The following HECW2 variants were observed in gnomAD, a reference collection of about 807,000 sequenced individuals.
The protein encoded by HECW2 is HECT, C2 and WW domain containing E3 ubiquitin protein ligase 2.
HECW2 carries 61 observed loss-of-function variants against 175.2 expected under a neutral mutation model. The ratio of observed to expected loss-of-function variants is 0.35; its 90% CI spans 0.28 to 0.43. The LOEUF (loss-of-function observed/expected upper bound fraction) is 0.43, where lower values mean the gene tolerates loss of function less well. Ranked by LOEUF, HECW2 falls within the 20% of genes least tolerant of loss-of-function variation. The probability of loss-of-function intolerance (pLI) is 1.00; values close to 1 mark genes in which losing one functional copy is unlikely to be tolerated. For synonymous variants in HECW2, 671 were observed against 731.0 expected, an observed-to-expected ratio of 0.92 and a Z score of 1.32; for missense variants, 1,524 against 2,000.5, an observed-to-expected ratio of 0.76 and a Z score of 4.54.
chr2:196,238,679 T>G (rs1254724734), intron 21 of HECW2: 1 of 152,164 alleles, frequency 6.6e-6, no homozygotes, highest in Non-Finnish European at 1.5e-5. Flanking sequence ...GCTCACAGCT[T>G]AGAACATCCT....
intron 14 of HECW2, 171 bp downstream of exon 14, chr2:196,292,394 T>C: frequency 1.7e-6 from 1 of 578,738 alleles, no homozygotes; most frequent in South Asian, 2.4e-5. Flanking sequence ...AATGGCACAG[T>C]CACTGTTTGT....
intron 10 of HECW2, among the ~76,000 whole-genome samples, chr2:196,309,142 G>A (rs151108948): frequency 2.8e-4 from 43 of 152,286 alleles, no homozygotes; most frequent in African/African-American, 1.0e-3. Context: ...TATGGCATTT[G>A]CTCTGTAAGG....
chr2:196,456,005 T>G (rs185800837), intron 1 of HECW2, among the ~76,000 whole-genome samples: 2 of 152,134 alleles, frequency 1.3e-5, no homozygotes, highest in African/African-American at 2.4e-5. Context: ...CATATACATT[T>G]GGAAAGGAGA....
intron 1 of HECW2, among the ~76,000 whole-genome samples, chr2:196,440,565 T>A (rs887441501): frequency 6.6e-6 from 1 of 152,170 alleles, no homozygotes; most frequent in African/African-American, 2.4e-5. Flanking sequence ...TATTCTCATA[T>A]GGGAAAACCA....
chr2:196,204,419 T>C (rs1040462447), intron 28 of HECW2, among the ~76,000 whole-genome samples: 1 of 152,218 alleles, frequency 6.6e-6, no homozygotes, highest in Non-Finnish European at 1.5e-5. Context: ...TAGGATTTCT[T>C]ATTAAAATCA....
intron 15 of HECW2, among the ~76,000 whole-genome samples, chr2:196,275,314 TATAA>T (rs369065822): frequency 1.3e-5 from 2 of 152,212 alleles, no homozygotes; most frequent in African/African-American, 4.8e-5. Context: ...GCTGGAAAGA[TATAA>T]ATAAAAAGAA....
chr2:196,511,653 G>A (rs978704631), intron 1 of HECW2, among the ~76,000 whole-genome samples: 1 of 152,202 alleles, frequency 6.6e-6, no homozygotes, highest in African/African-American at 2.4e-5. Flanking sequence ...AAAGTGCTAT[G>A]AGGAAATATT....
chr2:196,560,862 A>C (rs1689977280), intron 1 of HECW2, among the ~76,000 whole-genome samples: 1 of 152,204 alleles, frequency 6.6e-6, no homozygotes, highest in Non-Finnish European at 1.5e-5. Context: ...TCTTTACTTT[A>C]ATCTCTTAAT....
Position 196,274,113 on chromosome 2 carries a change from T to A in HECW2, c.3146A>T (p.Asp1049Val). Reference sequence around the variant, plus strand: ...AACTGGTGGTCCTGCATGTCGAGAATCTTCTCCTACCTGCAAACAGAAGCA... The same window carrying A: ...AACTGGTGGTCCTGCATGTCGAGAAACTTCTCCTACCTGCAAACAGAAGCA... ...RSHSAGEVGE[D>V]SRHAGPPVLP... The change falls in exon 16 of 29, where the codon GAT (aspartate) becomes GTT (valine). Residue 1049 changes from aspartate to valine, a missense_variant. Coordinates refer to ENST00000644978, the MANE Select transcript of HECW2 (RefSeq NM_001348768.2). The A allele has an allele frequency of 6.2e-7, 1 of 1,613,388 alleles. No homozygotes were observed. The highest frequency in any genetic ancestry group is 8.5e-7 in the Non-Finnish European group (1 of 1,179,350).
At chr2:196,245,460 TA>T (rs1385506010) in intron 19 of HECW2, among the ~76,000 whole-genome samples, 1 of 152,054 alleles carries the variant, frequency 6.6e-6, no homozygotes, top group African/African-American at 2.4e-5. Flanking sequence ...TGTGAAACTT[TA>T]TACATATTGA....
intron 1 of HECW2, among the ~76,000 whole-genome samples, chr2:196,551,291 C>G (rs1476330903): frequency 1.3e-5 from 2 of 152,136 alleles, no homozygotes; most frequent in East Asian, 3.8e-4. Flanking sequence ...GGAAGAAACA[C>G]AAACACACTT....
intron 2 of HECW2, among the ~76,000 whole-genome samples, chr2:196,372,523 G>T (rs747103895): frequency 1.3e-5 from 2 of 152,166 alleles, no homozygotes; most frequent in Non-Finnish European, 2.9e-5. Context: ...AAAAGGTGTA[G>T]GATGGAGAAC....
At chr2:196,521,019 T>C (rs1282832062) in intron 1 of HECW2, among the ~76,000 whole-genome samples, 1 of 152,164 alleles carries the variant, frequency 6.6e-6, no homozygotes, top group African/African-American at 2.4e-5. Flanking sequence ...CCTTGTGGCA[T>C]GCAACACTAG....
At chr2:196,513,457 C>A (rs2125419908) in intron 1 of HECW2, among the ~76,000 whole-genome samples, 1 of 152,264 alleles carries the variant, frequency 6.6e-6, no homozygotes, top group South Asian at 2.1e-4. Context: ...CTGCAGTGAG[C>A]CATGATCACA....
chr2:196,287,058 T>C (rs1046372987), intron 14 of HECW2, among the ~76,000 whole-genome samples: 1 of 152,210 alleles, frequency 6.6e-6, no homozygotes, highest in Non-Finnish European at 1.5e-5. Flanking sequence ...AATTCTCAAA[T>C]AGGCTCAGCC....
chr2:196,381,997 T>C (rs888564634), intron 2 of HECW2, among the ~76,000 whole-genome samples: 5 of 152,200 alleles, frequency 3.3e-5, no homozygotes, highest in Admixed American at 1.3e-4. Context: ...TAATAAATTA[T>C]GTTACATCTC....
intron 15 of HECW2, among the ~76,000 whole-genome samples, chr2:196,274,706 C>A (rs1194905006): frequency 6.6e-6 from 1 of 152,178 alleles, no homozygotes; most frequent in Non-Finnish European, 1.5e-5. Context: ...TTGAGCCTCC[C>A]ACACCAGGGT....
chr2:196,415,274 A>G (rs1184058356), intron 2 of HECW2, among the ~76,000 whole-genome samples: 1 of 152,232 alleles, frequency 6.6e-6, no homozygotes, highest in African/African-American at 2.4e-5. Flanking sequence ...TTAAAAGTGT[A>G]GTAGGAGTCA....
chr2:196,468,371 G>T (rs920843678), intron 1 of HECW2, among the ~76,000 whole-genome samples: 2 of 152,200 alleles, frequency 1.3e-5, no homozygotes, highest in African/African-American at 2.4e-5. Context: ...GCCTCAAATT[G>T]CATGGAGTAT....
Sources: allele counts gnomAD v4.1 joint callset (sites outside exome capture counted in the v4.1 genomes callset), GRCh38; gene constraint gnomAD v4.1.1; transcripts MANE v1.5; gene names NCBI Gene and HGNC (gene_info 2026-07-23, HGNC 2026-07-21).